Variants in CADPS2 observed in about 807,000 individuals in gnomAD.
CADPS2 encodes the protein calcium dependent secretion activator 2, also known as calcium-dependent secretion activator 2.
Under a neutral mutation model 172.5 loss-of-function variants are expected in CADPS2, and 93 were observed. The observed-to-expected ratio is 0.54, with a 90% CI of 0.46 to 0.64. The LOEUF (loss-of-function observed/expected upper bound fraction) is 0.64, where lower values mean the gene tolerates loss of function less well. Among genes scored for constraint, CADPS2 ranks in the 30% least tolerant of loss-of-function variants. The pLI, the probability that CADPS2 is intolerant of heterozygous loss-of-function variation, is 0.00. For missense variants in CADPS2, 1,420 were observed against 1,565.9 expected (o/e 0.91, Z 1.57); for synonymous variants, 546 against 555.2 (o/e 0.98, Z 0.23).
chr7:122,697,504 T>C (rs2136176744), intron 2 of CADPS2, among the ~76,000 whole-genome samples: 1 of 152,314 alleles, frequency 6.6e-6, no homozygotes, highest in East Asian at 1.9e-4. Context: ...AAAATAAGTT[T>C]GTCCTTAGCT....
intron 8 of CADPS2, among the ~76,000 whole-genome samples, chr7:122,523,030 T>A (rs71573102): frequency 0.094 from 14,337 of 152,244 alleles, 774 homozygotes; most frequent in African/African-American, 0.13. Flanking sequence ...ACGATAAACA[T>A]GGAGGTACAG....
At chr7:122,723,561 C>A (rs1044064193) in intron 2 of CADPS2, among the ~76,000 whole-genome samples, 1 of 152,156 alleles carries the variant, frequency 6.6e-6, no homozygotes. Context: ...GAAATAGGAA[C>A]ACTTTCACAC....
At chr7:122,695,124 G>A (rs1038415503) in intron 2 of CADPS2, among the ~76,000 whole-genome samples, 1 of 152,190 alleles carries the variant, frequency 6.6e-6, no homozygotes, top group South Asian at 2.1e-4. Flanking sequence ...AAGAGATAGG[G>A]ATATTATCAA....
In CADPS2 at chr7:122,507,191, G is replaced by A. The variant is rs1162992158; in HGVS notation, c.1542+6058C>T. Among the ~76,000 whole-genome samples the A allele has an allele frequency of 8.5e-5, 13 of 152,122 alleles. No homozygotes were observed. In the South Asian group the frequency reaches 1.2e-3, roughly 15 times the overall value. On this transcript the variant is annotated intron_variant, in intron 9 of 29. Transcript: ENST00000449022. ...AATGAGTTGAGGGGTACTTCAGGTC[G>A]CCTGGGTGGAAAAGGCACATTCGAA... is the stretch of plus-strand genomic sequence containing the variant.
At chr7:122,701,213 C>T (rs1450215819) in intron 2 of CADPS2, among the ~76,000 whole-genome samples, 1 of 151,954 alleles carries the variant, frequency 6.6e-6, no homozygotes, top group African/African-American at 2.4e-5. Context: ...AAAAGGGATA[C>T]GATTAAGAAA....
rs78454820 is a variant in CADPS2, at chr7:122,648,869, A to C, written c.786+14368T>G. Among the ~76,000 whole-genome samples the C allele has an allele frequency of 7.6e-3, 1,158 of 152,248 alleles. 19 individuals are homozygous for C. Among genetic ancestry groups the C allele is most frequent in the African/African-American group, 0.026 (1,097 of 41,544 alleles). On this transcript the variant is annotated intron_variant, in intron 3 of 29. Transcript: ENST00000449022. ...CAGAGGTAAAACCAGGCCCACAAGC[A>C]AAAGATCTACAGCAGAACAATGCGT...
At chr7:122,840,465 C>T (rs1584830175) in intron 1 of CADPS2, among the ~76,000 whole-genome samples, 2 of 150,080 alleles carry the variant, frequency 1.3e-5, no homozygotes, top group Admixed American at 6.7e-5. Flanking sequence ...AACATGAAAT[C>T]AGAATGTAGA....
At chr7:122,630,081 A>G (rs548156240) in intron 3 of CADPS2, among the ~76,000 whole-genome samples, 24 of 152,268 alleles carry the variant, frequency 1.6e-4, no homozygotes, top group African/African-American at 5.3e-4. Context: ...TAAAAATGTT[A>G]AAGTGAGGAT....
chr7:122,406,406 T>C (rs1019486550), intron 20 of CADPS2, among the ~76,000 whole-genome samples: 1 of 152,162 alleles, frequency 6.6e-6, no homozygotes, highest in African/African-American at 2.4e-5. Flanking sequence ...ATAAAAAAAG[T>C]TCCAAATGTA....
chr7:122,836,329 C>A lies in CADPS2; in HGVS notation c.339+49670G>T, dbSNP rs560946738. Among the ~76,000 whole-genome samples the A allele has an allele frequency of 1.9e-4, 29 of 151,858 alleles. No homozygotes were observed. In the South Asian group the frequency reaches 6.1e-3, roughly 32 times the overall value. ...AGCACCAGCCACTGCAAAAACATGC[C>A]AAATTGTAAAGACCACCGAGGCTGG... is the stretch of plus-strand genomic sequence containing the variant. On this transcript the variant is annotated intron_variant, in intron 1 of 29. Coordinates refer to ENST00000449022, the MANE Select transcript of CADPS2 (RefSeq NM_017954.11).
At chr7:122,802,413 G>C (rs945089097) in intron 1 of CADPS2, among the ~76,000 whole-genome samples, 1 of 152,060 alleles carries the variant, frequency 6.6e-6, no homozygotes, top group Admixed American at 6.5e-5. Flanking sequence ...TCCACTCTTC[G>C]GTAATCGCTG....
intron 8 of CADPS2, among the ~76,000 whole-genome samples, chr7:122,553,365 C>T (rs1238419473): frequency 6.6e-6 from 1 of 152,138 alleles, no homozygotes; most frequent in Non-Finnish European, 1.5e-5. Flanking sequence ...ATCCCAGATA[C>T]TCCATGTGCA....
At chr7:122,833,486 T>C (rs909279600) in intron 1 of CADPS2, among the ~76,000 whole-genome samples, 1 of 152,076 alleles carries the variant, frequency 6.6e-6, no homozygotes, top group Non-Finnish European at 1.5e-5. Context: ...GCCTCCCAAG[T>C]AGCTTGGATT....
rs765209699 is a variant in CADPS2, at chr7:122,562,372, G to A, written c.1336-7683C>T. On this transcript the variant is annotated intron_variant, in intron 7 of 29. Coordinates refer to ENST00000449022, the MANE Select transcript of CADPS2 (RefSeq NM_017954.11). ...AAAAGGACTTGACCAGCCATTACTAGCTTCATAATTGAAGAGAGAAACAAG... is the reference window on the plus strand; with the variant it reads ...AAAAGGACTTGACCAGCCATTACTAACTTCATAATTGAAGAGAGAAACAAG... Among the ~76,000 whole-genome samples the A allele has an allele frequency of 6.6e-5, 10 of 152,260 alleles. No homozygotes were observed. In the Middle Eastern group the frequency reaches 0.01, roughly 155 times the overall value.
chr7:122,455,737 C>A (rs2053683082), intron 14 of CADPS2, among the ~76,000 whole-genome samples: 1 of 151,998 alleles, frequency 6.6e-6, no homozygotes, highest in Non-Finnish European at 1.5e-5. Context: ...GATGGAGTCT[C>A]CCTCTGTCAC....
intron 2 of CADPS2, chr7:122,681,360 G>A (rs947498641): frequency 5.1e-5 from 76 of 1,476,110 alleles, no homozygotes; most frequent in South Asian, 1.4e-4. Context: ...AAAGGGCCGC[G>A]GCCACGTGCA....
chr7:122,401,462 G>T (rs1050176617), intron 20 of CADPS2, among the ~76,000 whole-genome samples: 1 of 152,146 alleles, frequency 6.6e-6, no homozygotes, highest in South Asian at 2.1e-4. Context: ...GAAATGATTT[G>T]TGCCATTTGC....
At chr7:122,781,471 C>T (rs1401037334) in intron 1 of CADPS2, among the ~76,000 whole-genome samples, 1 of 152,070 alleles carries the variant, frequency 6.6e-6, no homozygotes, top group Non-Finnish European at 1.5e-5. Context: ...TGTCTTATCC[C>T]ATTTATACTT....
intron 1 of CADPS2, among the ~76,000 whole-genome samples, chr7:122,767,276 A>G (rs1047414396): frequency 6.6e-6 from 1 of 152,138 alleles, no homozygotes; most frequent in Non-Finnish European, 1.5e-5. Flanking sequence ...TCTCATCTTT[A>G]CAACTGTGAG....
Sources: gnomAD v4.1 joint callset for allele counts (sites outside exome capture counted in the v4.1 genomes callset) on GRCh38, gnomAD v4.1.1 for gene constraint, MANE v1.5 for transcripts, NCBI Gene and HGNC (gene_info 2026-07-23, HGNC 2026-07-21) for gene names.